PDE6C: variants seen among roughly 807,000 people sequenced by gnomAD.
PDE6C encodes cone cGMP-specific 3',5'-cyclic phosphodiesterase subunit alpha'.
Under a neutral mutation model 113.1 loss-of-function variants are expected in PDE6C, and 75 were observed. That is an observed-to-expected ratio of 0.66 (90% CI 0.55 to 0.80). PDE6C has a LOEUF of 0.80. Ranked by LOEUF, PDE6C falls within the 30% of genes least tolerant of loss-of-function variation. PDE6C has a pLI of 0.00. For missense variants in PDE6C, 912 were observed against 1,038.6 expected, an observed-to-expected ratio of 0.88 and a Z score of 1.67; for synonymous variants, 375 against 363.7, an observed-to-expected ratio of 1.03 and a Z score of -0.35.
At chr10:93,658,669 CCT>C (rs56029704) in intron 16 of PDE6C, among the ~76,000 whole-genome samples, 54,130 of 143,422 alleles carry the variant, frequency 0.38, 11,689 homozygotes, top group Non-Finnish European at 0.49. Context: ...TTTGTTTTTC[CCT>C]CTCTCTCTCT....
chr10:93,622,866 A>G (rs1315377328), intron 4 of PDE6C, among the ~76,000 whole-genome samples: 1 of 152,016 alleles, frequency 6.6e-6, no homozygotes, highest in Admixed American at 6.5e-5. Flanking sequence ...TTGTGTATCC[A>G]TTCACCTGTT....
chr10:93,654,778 C>CTTTA (rs752229142), intron 15 of PDE6C, among the ~76,000 whole-genome samples: 1 of 60,344 alleles, frequency 1.7e-5, no homozygotes, highest in Non-Finnish European at 3.3e-5. Flanking sequence ...TTCTTTCTTT[C>CTTTA]TTTCTTTCTT....
At position 93,652,994 on chromosome 10, in the gene PDE6C, C is replaced by T. The variant is rs1395022569; in HGVS notation, c.1936-2766C>T. 2.0e-5 allele frequency among the ~76,000 whole-genome samples: 3 copies of T among 152,288 alleles called. No homozygotes were observed. The East Asian group carries it at 5.8e-4, about 29-fold the overall frequency. On this transcript the variant is annotated intron_variant, in intron 15 of 21. Transcript: ENST00000371447. The stretch of plus-strand genomic sequence containing the variant: ...CATTTTCACACATTCCTCCCCTCCC[C>T]CTGCTTTTTTTCCTAGTATAGCAAT...
At chr10:93,653,662 A>AAACAAT (rs1352371636) in intron 15 of PDE6C, among the ~76,000 whole-genome samples, 1 of 152,024 alleles carries the variant, frequency 6.6e-6, no homozygotes, top group East Asian at 1.9e-4. Context: ...ACAAAAACAA[A>AAACAAT]AACAAAAACA....
At chr10:93,638,416 C>T (rs1429265545) in intron 11 of PDE6C, among the ~76,000 whole-genome samples, 3 of 152,176 alleles carry the variant, frequency 2.0e-5, no homozygotes, top group Non-Finnish European at 4.4e-5. Flanking sequence ...TGGCACCATC[C>T]TCTCAGCCTG....
intron 14 of PDE6C, among the ~76,000 whole-genome samples, chr10:93,642,008 A>G (rs1246471871): frequency 6.6e-6 from 1 of 152,224 alleles, no homozygotes; most frequent in Non-Finnish European, 1.5e-5. Flanking sequence ...GTTGTTGTAA[A>G]GATTAAATAT....
chr10:93,655,610 C>CAAAAAAAAAAAAAAAAAAGAAA (rs2058633498), intron 15 of PDE6C, 150 bp from the exon 16 acceptor site: 1 of 265,128 alleles, frequency 3.8e-6, no homozygotes, highest in Non-Finnish European at 6.6e-6. Flanking sequence ...AAAAGCAAGC[C>CAAAAAAAAAAAAAAAAAAGAAA]AAAAAAAAAA....
chr10:93,622,321 TA>T (rs1189549262), intron 4 of PDE6C, among the ~76,000 whole-genome samples: 2 of 152,168 alleles, frequency 1.3e-5, no homozygotes, highest in Non-Finnish European at 2.9e-5. Context: ...AGACTATTTT[TA>T]GAGTAGTATT....
intron 1 of PDE6C, among the ~76,000 whole-genome samples, chr10:93,616,496 A>G (rs1407062837): frequency 6.6e-6 from 1 of 152,224 alleles, no homozygotes; most frequent in Non-Finnish European, 1.5e-5. Flanking sequence ...TACAGATTAA[A>G]TGTATATAAA....
chr10:93,645,138 A>AT (rs1269548223), intron 14 of PDE6C, among the ~76,000 whole-genome samples: 1 of 151,902 alleles, frequency 6.6e-6, no homozygotes, highest in Non-Finnish European at 1.5e-5. Flanking sequence ...GGATTTACTC[A>AT]TTTTTTTAAA....
intron 15 of PDE6C, among the ~76,000 whole-genome samples, chr10:93,649,009 G>C (rs900082432): frequency 8.5e-5 from 13 of 152,312 alleles, no homozygotes; most frequent in African/African-American, 3.1e-4. Context: ...TAGGCACCAT[G>C]CTGAAGACTA....
chr10:93,623,328 T>C (rs948708090), intron 4 of PDE6C, among the ~76,000 whole-genome samples: 1 of 152,248 alleles, frequency 6.6e-6, no homozygotes, highest in Non-Finnish European at 1.5e-5. Context: ...TATCATTCAA[T>C]TGTAAGAGTT....
rs760134905 is a variant in PDE6C, at chr10:93,662,633, T to C, written c.2357T>C (p.Phe786Ser). Residue 786 changes from phenylalanine (F) to serine (S), a missense_variant, in exon 20 of 22, where the codon TTT (phenylalanine) becomes TCT (serine). Phe to Ser is a radical substitution (Grantham distance 155). Transcript: ENST00000371447. ...GGATTTATTGATTTTGTTTGTACTT[T>C]TGTATATAAGGTAAGTAAGCAAATT... ...QVGFIDFVCT[F>S]VYKEFSRFHK... is the part of the protein sequence containing the mutation. The C allele has an allele frequency of 7.4e-7, 1 of 1,350,514 alleles. No homozygotes were observed. The highest frequency in any genetic ancestry group is 2.3e-5 in the East Asian group (1 of 43,606). 83.7% of individuals were successfully genotyped at this position (1,350,514 alleles called of 1,614,324 possible).
intron 14 of PDE6C, among the ~76,000 whole-genome samples, chr10:93,643,526 C>G (rs12254107): frequency 0.01 from 1,587 of 151,854 alleles, 17 homozygotes; most frequent in African/African-American, 0.036. Context: ...GTAGCTGGGA[C>G]TACAGGTGTA....
In PDE6C at chr10:93,640,846, G is replaced by A. The variant is rs189928268; in HGVS notation, c.1738-74G>A. ...AAACCTAGTGGGCCTATTCTCTATT[G>A]CAGGCTGCACTTGGTATAGAGGTAT... On this transcript the variant is annotated intron_variant, in intron 13 of 21. Transcript: ENST00000371447. The A allele has an allele frequency of 8.1e-5, 79 of 972,850 alleles. 1 individual carries two copies. The highest frequency in any genetic ancestry group is 1.1e-4 in the Admixed American group (6 of 54,558). 60.3% of individuals were successfully genotyped at this position (972,850 alleles called of 1,614,324 possible). A position where few individuals can be genotyped will look rare whatever the true frequency, so the allele number is the denominator to read the frequency against.
intron 1 of PDE6C, 79 bp from the exon 2 acceptor site, chr10:93,620,553 G>T: frequency 1.4e-6 from 2 of 1,417,992 alleles, no homozygotes; most frequent in South Asian, 2.3e-5. Flanking sequence ...AAATGAGAGA[G>T]AATGATCTGT....
intron 19 of PDE6C, 22 bp downstream of exon 19, chr10:93,662,155 G>A (rs766932321): frequency 3.4e-6 from 5 of 1,491,450 alleles, no homozygotes; most frequent in South Asian, 2.3e-5. Context: ...ACATAAAAAT[G>A]TATTACTTAT....
At chr10:93,638,590 A>G (rs1017407845) in intron 11 of PDE6C, among the ~76,000 whole-genome samples, 1 of 152,236 alleles carries the variant, frequency 6.6e-6, no homozygotes, top group Non-Finnish European at 1.5e-5. Context: ...ACAAAGAACC[A>G]GTAGACTTCC....
chr10:93,630,183 G>A (rs2058493842), intron 8 of PDE6C, among the ~76,000 whole-genome samples: 1 of 152,032 alleles, frequency 6.6e-6, no homozygotes, highest in African/African-American at 2.4e-5. Flanking sequence ...ACTGTGCAGA[G>A]ACCCACTGCC....
Sources: gnomAD v4.1 joint callset for allele counts (sites outside exome capture counted in the v4.1 genomes callset) on GRCh38, gnomAD v4.1.1 for gene constraint, MANE v1.5 for transcripts, NCBI Gene and HGNC (gene_info 2026-07-23, HGNC 2026-07-21) for gene names.